AKR1C2: variants seen among roughly 807,000 people sequenced by gnomAD.
AKR1C2 encodes the protein 3-alpha-HSD3.
A neutral mutation model predicts 39.8 loss-of-function variants in AKR1C2; 27 were observed. That is an observed-to-expected ratio of 0.68 (90% CI 0.50 to 0.93). The LOEUF is 0.93. AKR1C2 is among the 40% of genes least tolerant of loss of function. The pLI, the probability that AKR1C2 is intolerant of heterozygous loss-of-function variation, is 0.00. For missense variants in AKR1C2, 263 were observed against 365.1 expected, an observed-to-expected ratio of 0.72 and a Z score of 2.28; for synonymous variants, 114 against 137.9, an observed-to-expected ratio of 0.83 and a Z score of 1.22.
intron 1 of AKR1C2, among the ~76,000 whole-genome samples, chr10:5,013,830 C>T (rs550249699): frequency 6.6e-6 from 1 of 152,282 alleles, no homozygotes; most frequent in Non-Finnish European, 1.5e-5. Context: ...TCATCCCAAC[C>T]TAAAACTCTG....
intron 5 of AKR1C2, among the ~76,000 whole-genome samples, chr10:4,996,348 A>G (rs184937102): frequency 1.3e-5 from 2 of 151,752 alleles, no homozygotes; most frequent in East Asian, 3.9e-4. Flanking sequence ...ATATAGATGA[A>G]CTAGAAAATA....
chr10:5,001,677 G>A lies in AKR1C2; in HGVS notation c.89C>T (p.Pro30Leu), dbSNP rs781921553. 1.2e-6 allele frequency: 2 copies of A among 1,613,620 alleles called. No homozygotes were observed. The highest frequency in any genetic ancestry group is 1.7e-4 in the Middle Eastern group (1 of 6,058). The change falls in exon 2 of 9, where the codon CCT (proline) becomes CTT (leucine). Residue 30 changes from proline to leucine, a missense_variant. Physicochemically the swap from Pro to Leu is moderately conservative, Grantham distance 98 (BLOSUM62 -3). Transcript: ENST00000380753. ...GACGGCCTCTAGAGCTTTACTTTTA[G>A]GAACCTGGGGGAGCAACCAAACGTA... ...GFGTYAPAEV[P>L]KSKALEAVKL...
upstream of AKR1C2, chr10:5,004,784 C>T (rs1837364600): frequency 7.3e-6 from 1 of 136,958 alleles, no homozygotes; most frequent in Non-Finnish European, 1.6e-5. Flanking sequence ...TTTGCATGAT[C>T]CATGATTCAC....
intron 1 of AKR1C2, chr10:5,015,018 A>G (rs1837609639): frequency 6.6e-6 from 1 of 152,224 alleles, no homozygotes; most frequent in African/African-American, 2.4e-5. Flanking sequence ...TAGCCTAGAC[A>G]GCATTCCTCC....
At chr10:5,007,402 C>T (rs57873541), upstream of AKR1C2, 5 of 150,922 alleles carry the variant, frequency 3.3e-5, no homozygotes, top group East Asian at 7.8e-4. Context: ...GAAGCAGAAA[C>T]GTACCTGTGG....
chr10:5,007,040 C>G (rs4363495), upstream of AKR1C2, among the ~76,000 whole-genome samples: 144,557 of 146,324 alleles, frequency 0.99, 71,421 homozygotes, highest in East Asian at 1. Flanking sequence ...CCAGTGTGCT[C>G]GGATTACAGG....
chr10:5,005,939 G>A (rs1313564875), upstream of AKR1C2: 1 of 152,158 alleles, frequency 6.6e-6, no homozygotes, highest in African/African-American at 2.4e-5. Context: ...ACAAATTGGA[G>A]CTAAAAAATA....
chr10:5,009,484 A>G (rs1226907765), intron 1 of AKR1C2, among the ~76,000 whole-genome samples: 1 of 151,936 alleles, frequency 6.6e-6, no homozygotes, highest in Non-Finnish European at 1.5e-5. Context: ...AGAGAAAAGT[A>G]TTAATATTAT....
At chr10:5,005,508 C>T (rs1290815725), upstream of AKR1C2, among the ~76,000 whole-genome samples, 2 of 123,182 alleles carry the variant, frequency 1.6e-5, no homozygotes, top group Non-Finnish European at 3.4e-5. Flanking sequence ...TGGTGAAACC[C>T]CGTCTCTACT....
intron 1 of AKR1C2, among the ~76,000 whole-genome samples, chr10:5,009,735 C>A (rs1554774719): frequency 1.3e-5 from 2 of 152,076 alleles, no homozygotes; most frequent in South Asian, 2.1e-4. Flanking sequence ...ATATAAACCC[C>A]CAAAGCCTAA....
chr10:4,994,923 C>T lies in AKR1C2; in HGVS notation c.846+396G>A, dbSNP rs151109248. On this transcript the variant is annotated intron_variant, in intron 7 of 8. Coordinates refer to ENST00000380753, the MANE Select transcript of AKR1C2 (RefSeq NM_001393392.1). ...AAAAGGCAGAGTTAAACAAGCACTT[C>T]GCAAAGATAAAATTCTAAGAGAATA... Among the ~76,000 whole-genome samples, 45 of 139,572 alleles carry T rather than the reference C, an allele frequency of 3.2e-4. 2 individuals are homozygous for T. The highest frequency in any genetic ancestry group is 8.5e-4 in the East Asian group (4 of 4,728). The allele number at this position is 139,572 out of a possible 152,430, so 91.6% of individuals were successfully genotyped here. A position where few individuals can be genotyped will look rare whatever the true frequency, so the allele number is the denominator to read the frequency against.
chr10:5,001,741 A>C, intron 1 of AKR1C2, 60 bp from the exon 2 acceptor site: 1 of 1,606,356 alleles, frequency 6.2e-7, no homozygotes, highest in Non-Finnish European at 8.5e-7. Flanking sequence ...TAGTTCGGGC[A>C]CAAGCAGCAA....
intron 1 of AKR1C2, among the ~76,000 whole-genome samples, chr10:5,002,619 T>G (rs1837306940): frequency 6.6e-6 from 1 of 152,240 alleles, no homozygotes; most frequent in Non-Finnish European, 1.5e-5. Context: ...TTACAATTAT[T>G]GACTTATGTA....
chr10:4,991,379 AGGTG>A (rs1836838543), intron 8 of AKR1C2, among the ~76,000 whole-genome samples: 1 of 152,094 alleles, frequency 6.6e-6, no homozygotes, highest in African/African-American at 2.4e-5. Flanking sequence ...CATGTGAAAG[AGGTG>A]GGAATTGGAA....
At chr10:5,003,641 G>C (rs545407585) in intron 1 of AKR1C2, 111 bp downstream of exon 1, 1 of 1,160,548 alleles carries the variant, frequency 8.6e-7, no homozygotes, top group South Asian at 1.3e-5. Context: ...AAAGACTGAC[G>C]TTTAAAGGGG....
chr10:4,999,697 C>G (rs1335809759), intron 3 of AKR1C2: 1 of 172,974 alleles, frequency 5.8e-6, no homozygotes, highest in Non-Finnish European at 1.2e-5. Context: ...ATGCACAGGA[C>G]CATGAACCAA....
rs1554773745 is a variant in AKR1C2, at chr10:5,000,635, A to G, written c.284T>C (p.Val95Ala). The G allele has an allele frequency of 6.2e-7, 1 of 1,614,000 alleles. No individual in the cohort carries two copies. Among genetic ancestry groups the G allele is most frequent in the Non-Finnish European group, 8.5e-7 (1 of 1,179,900 alleles). ...CAGTGACCTTTCCAAGGCTGGTCGG[A>G]CCAACTCTGGTCGATGGGAATTGCT... is the stretch of plus-strand genomic sequence containing the variant. Reference protein sequence around the residue: ...LWSNSHRPELVRPALERSLKN... With the variant: ...LWSNSHRPELARPALERSLKN... Residue 95 changes from valine to alanine, a missense_variant, in exon 3 of 9, where the codon GTC becomes GCC. By Grantham distance (64) the Val-to-Ala change is moderately conservative. Coordinates refer to ENST00000380753, the MANE Select transcript of AKR1C2 (RefSeq NM_001393392.1).
intron 5 of AKR1C2, chr10:4,997,391 G>C (rs1462676240): frequency 6.5e-6 from 1 of 153,664 alleles, no homozygotes. Flanking sequence ...TGACATAAGG[G>C]CACTATAAAT....
intron 1 of AKR1C2, among the ~76,000 whole-genome samples, chr10:5,011,194 T>C (rs1182359039): frequency 5.9e-5 from 9 of 152,150 alleles, no homozygotes; most frequent in African/African-American, 1.9e-4. Flanking sequence ...CTCTTTAAAA[T>C]TCATCAAAGA....
Sources: gnomAD v4.1 joint callset for allele counts (sites outside exome capture counted in the v4.1 genomes callset) on GRCh38, gnomAD v4.1.1 for gene constraint, MANE v1.5 for transcripts, NCBI Gene and HGNC (gene_info 2026-07-23, HGNC 2026-07-21) for gene names.